Variants in PLD5 observed in about 807,000 individuals in gnomAD.
PLD5 encodes the protein phospholipase D family member 5, also known as inactive phospholipase D5.
A neutral mutation model predicts 61.1 loss-of-function variants in PLD5; 36 were observed. The observed-to-expected ratio is 0.59, with a 90% CI of 0.45 to 0.78. PLD5 has a LOEUF of 0.78. Among genes scored for constraint, PLD5 ranks in the 30% least tolerant of loss-of-function variants. The pLI is 0.00. For missense variants in PLD5, 515 were observed against 644.4 expected (o/e 0.80, Z 2.17); for synonymous variants, 243 against 242.8 (o/e 1.00, Z -0.01).
intron 1 of PLD5, among the ~76,000 whole-genome samples, chr1:242,425,455 T>C (rs945666848): frequency 6.6e-6 from 1 of 152,126 alleles, no homozygotes; most frequent in African/African-American, 2.4e-5. Flanking sequence ...ATACAATAAA[T>C]GGAGCTTGCA....
intron 5 of PLD5, among the ~76,000 whole-genome samples, chr1:242,128,979 G>A (rs1037104739): frequency 2.6e-5 from 4 of 152,152 alleles, no homozygotes; most frequent in African/African-American, 4.8e-5. Context: ...CTTCTGTAAC[G>A]GCACCATCAT....
intron 1 of PLD5, among the ~76,000 whole-genome samples, chr1:242,418,686 T>C (rs1208405904): frequency 1.3e-5 from 2 of 152,168 alleles, no homozygotes; most frequent in Admixed American, 6.5e-5. Flanking sequence ...TGAGAACGTG[T>C]GGGCTTTCTT....
At chr1:242,406,460 A>T (rs976315982) in intron 1 of PLD5, among the ~76,000 whole-genome samples, 1 of 152,234 alleles carries the variant, frequency 6.6e-6, no homozygotes, top group Non-Finnish European at 1.5e-5. Flanking sequence ...TGAAAAATTT[A>T]CTTCCTATAT....
intron 1 of PLD5, among the ~76,000 whole-genome samples, chr1:242,350,966 A>ATCACCGC (rs1660443344): frequency 6.7e-6 from 1 of 149,546 alleles, no homozygotes; most frequent in Non-Finnish European, 1.5e-5. Flanking sequence ...CAATGGCGTG[A>ATCACCGC]TCACCGCTCA....
chr1:242,348,136 A>G lies in PLD5; in HGVS notation c.296T>C (p.Leu99Pro), dbSNP rs746818027. The change falls in exon 2 of 10, where the codon CTC becomes CCC. Residue 99 changes from leucine to proline, a missense_variant. Around this residue, in one of 2 missense-constraint regions of PLD5, gnomAD observed 450 missense variants for 598.1 expected, o/e 0.75. Coordinates refer to ENST00000536534, the MANE Select transcript of PLD5 (RefSeq NM_001372062.1). ...TTTATTTTGGCAATTTTTTTCTGAG[A>G]GTCCATCCTCATCCTCTCCCATGAT... Reference protein sequence around the residue: ...VDIMGEDEDGLSEKNCQNKCR... With the variant: ...VDIMGEDEDGPSEKNCQNKCR... 5 of 1,613,414 alleles carry G rather than the reference A, an allele frequency of 3.1e-6. No homozygotes were observed. Among genetic ancestry groups the G allele is most frequent in the South Asian group, 1.1e-5 (1 of 90,954 alleles).
chr1:242,502,332 G>A (rs1009515274), intron 1 of PLD5, among the ~76,000 whole-genome samples: 7 of 152,158 alleles, frequency 4.6e-5, no homozygotes, highest in Non-Finnish European at 2.9e-5. Context: ...TAGTCCTCTT[G>A]ATCACTTCCC....
At chr1:242,315,923 C>T (rs1321003347) in intron 2 of PLD5, among the ~76,000 whole-genome samples, 14 of 152,204 alleles carry the variant, frequency 9.2e-5, no homozygotes, top group Admixed American at 9.2e-4. Flanking sequence ...TCAACATACA[C>T]TTAATAGGGT....
intron 2 of PLD5, among the ~76,000 whole-genome samples, chr1:242,332,586 G>A (rs1307828602): frequency 1.3e-5 from 2 of 152,080 alleles, no homozygotes; most frequent in African/African-American, 2.4e-5. Context: ...TCTATCTGGC[G>A]TGAGATAGTG....
chr1:242,380,717 A>C (rs570731256), intron 1 of PLD5, among the ~76,000 whole-genome samples: 19 of 152,316 alleles, frequency 1.2e-4, no homozygotes, highest in Admixed American at 2.6e-4. Context: ...AGAAAAAAAA[A>C]CAACTCCATT....
intron 5 of PLD5, among the ~76,000 whole-genome samples, chr1:242,157,990 T>C (rs966549153): frequency 6.7e-6 from 1 of 149,928 alleles, no homozygotes; most frequent in African/African-American, 2.5e-5. Context: ...GTTGCCTTTT[T>C]TTCAGAGATG....
chr1:242,202,364 T>C (rs1669037185), intron 5 of PLD5, among the ~76,000 whole-genome samples: 1 of 152,166 alleles, frequency 6.6e-6, no homozygotes, highest in Non-Finnish European at 1.5e-5. Context: ...ATAATCATGG[T>C]GATGATGATG....
intron 1 of PLD5, among the ~76,000 whole-genome samples, chr1:242,434,164 A>G (rs1382757164): frequency 6.6e-6 from 1 of 152,224 alleles, no homozygotes. Context: ...CACAGTTACC[A>G]TAGTGTAGGC....
intron 5 of PLD5, among the ~76,000 whole-genome samples, chr1:242,125,922 A>G (rs1662750320): frequency 6.6e-6 from 1 of 152,156 alleles, no homozygotes; most frequent in African/African-American, 2.4e-5. Context: ...AAGTTGTTTA[A>G]CCCACTGATA....
intron 1 of PLD5, among the ~76,000 whole-genome samples, chr1:242,445,206 G>A (rs988134814): frequency 2.0e-5 from 3 of 152,266 alleles, no homozygotes; most frequent in South Asian, 2.1e-4. Context: ...GAGAGCTATC[G>A]AGCTCATTCT....
chr1:242,385,546 C>T (rs73128331), intron 1 of PLD5, among the ~76,000 whole-genome samples: 1,619 of 152,300 alleles, frequency 0.011, 28 homozygotes, highest in African/African-American at 0.037. Flanking sequence ...TCCATGATTG[C>T]GATGGCTCCC....
At chr1:242,374,610 G>A (rs769132402) in intron 1 of PLD5, among the ~76,000 whole-genome samples, 10 of 151,990 alleles carry the variant, frequency 6.6e-5, no homozygotes, top group Non-Finnish European at 1.3e-4. Context: ...GTAAAAACTG[G>A]CCATAAAGAA....
intron 2 of PLD5, among the ~76,000 whole-genome samples, chr1:242,344,003 C>T (rs560971886): frequency 3.0e-4 from 45 of 152,266 alleles, no homozygotes; most frequent in African/African-American, 1.0e-3. Context: ...AACCCCTTAT[C>T]TGCAATAACC....
At chr1:242,375,039 G>A (rs1572006308) in intron 1 of PLD5, among the ~76,000 whole-genome samples, 1 of 152,218 alleles carries the variant, frequency 6.6e-6, no homozygotes, top group South Asian at 2.1e-4. Flanking sequence ...AGTTTACAAT[G>A]CCATTTTGCA....
chr1:242,293,046 C>A (rs565664150), intron 2 of PLD5, among the ~76,000 whole-genome samples: 1 of 152,276 alleles, frequency 6.6e-6, no homozygotes, highest in East Asian at 1.9e-4. Context: ...AACATCTCTT[C>A]CCTTTTCTTT....
Sources: allele counts gnomAD v4.1 joint callset (sites outside exome capture counted in the v4.1 genomes callset), GRCh38; gene constraint gnomAD v4.1.1; regional missense constraint gnomAD v4.1.1; transcripts MANE v1.5; gene names NCBI Gene and HGNC (gene_info 2026-07-23, HGNC 2026-07-21).